The following SLC25A16 variants were observed in gnomAD, a reference collection of about 807,000 sequenced individuals.
The protein encoded by SLC25A16 is mitochondrial coenzyme A transporter SLC25A16.
A neutral mutation model predicts 41.5 loss-of-function variants in SLC25A16; 39 were observed. The observed-to-expected ratio is 0.94, with a 90% CI of 0.73 to 1.23. SLC25A16 has a LOEUF of 1.23. SLC25A16 is among the 50% of genes most tolerant of loss of function. The pLI is 0.00. For missense variants in SLC25A16, 421 were observed against 426.9 expected (o/e 0.99, Z 0.12); for synonymous variants, 146 against 147.8 (o/e 0.99, Z 0.09).
At chr10:68,491,030 C>T (rs996652316) in intron 6 of SLC25A16, among the ~76,000 whole-genome samples, 2 of 152,008 alleles carry the variant, frequency 1.3e-5, no homozygotes, top group Non-Finnish European at 2.9e-5. Context: ...GCTGGGACCA[C>T]CAAGCCTGGC....
At chr10:68,492,302 G>C (rs1357891700) in intron 6 of SLC25A16, among the ~76,000 whole-genome samples, 5 of 151,978 alleles carry the variant, frequency 3.3e-5, no homozygotes, top group Admixed American at 3.3e-4. Flanking sequence ...AACTCCTTCG[G>C]GTCTAGTCAT....
rs1206561726 is a variant in SLC25A16 at position 68,481,340 on chromosome 10, A to T, written c.*2092T>A. ...ACTTATAAATCATACAAAGATACAT[A>T]CTTATTTTTAAAATAAAGGCTTTCA... On this transcript the variant is annotated 3_prime_UTR_variant, in exon 9 of 9. Transcript: ENST00000609923. 2.6e-5 allele frequency: 4 copies of T among 152,158 alleles called. No individual in the cohort carries two copies. Among genetic ancestry groups the T allele is most frequent in the African/African-American group, 9.7e-5 (4 of 41,436 alleles). The allele number at this position is 152,158 out of a possible 1,614,324, so 9.4% of individuals were successfully genotyped here.
chr10:68,489,208 G>A (rs745785570), intron 6 of SLC25A16, among the ~76,000 whole-genome samples: 2 of 152,152 alleles, frequency 1.3e-5, no homozygotes, highest in Non-Finnish European at 2.9e-5. Flanking sequence ...GGCGGAGTTT[G>A]CGGTGAGCTG....
chr10:68,508,650 G>A (rs939169947), intron 2 of SLC25A16, among the ~76,000 whole-genome samples: 38 of 150,968 alleles, frequency 2.5e-4, no homozygotes, highest in African/African-American at 8.5e-4. Context: ...CCCGGGAGGC[G>A]GAGGTTGCAG....
chr10:68,506,461 AC>A (rs11313731), intron 3 of SLC25A16, 123 bp downstream of exon 3: 26,446 of 668,682 alleles, frequency 0.04, 438 homozygotes, highest in Admixed American at 0.075. Context: ...AAAAAAAAAA[AC>A]CAATAATTTA....
Position 68,519,839 on chromosome 10 carries a change from C to T in SLC25A16, c.131-2996G>A, listed in dbSNP as rs529931243. Among the ~76,000 whole-genome samples, 63 of 150,922 alleles carry T rather than the reference C, an allele frequency of 4.2e-4. No homozygotes were observed. The South Asian group carries it at 0.011, about 27-fold the overall frequency. ...CTGGGGCAGGAGAATCGCTTGAACC[C>T]GGGAGGCATAGGTGGCAGTGAGCCG... On this transcript the variant is annotated intron_variant, in intron 1 of 8. Transcript: ENST00000609923.
At chr10:68,489,346 A>G (rs2052618724) in intron 6 of SLC25A16, among the ~76,000 whole-genome samples, 1 of 152,184 alleles carries the variant, frequency 6.6e-6, no homozygotes, top group South Asian at 2.1e-4. Flanking sequence ...GAAGTGAAAA[A>G]GCATTTTTAT....
In SLC25A16 at chr10:68,485,142, T is replaced by C. The variant is rs1313006603; in HGVS notation, c.843-1554A>G. 3.3e-5 allele frequency among the ~76,000 whole-genome samples: 5 copies of C among 152,250 alleles called. No homozygotes were observed. The East Asian group carries it at 5.8e-4, about 18-fold the overall frequency. On this transcript the variant is annotated intron_variant, in intron 8 of 8. Transcript: ENST00000609923. ...ACGCAGCCTCGCTGCCAGGCTGGAGTGCAGTAGCACGATCTCGGCTCACTG... is the reference window on the plus strand; with the variant it reads ...ACGCAGCCTCGCTGCCAGGCTGGAGCGCAGTAGCACGATCTCGGCTCACTG...
chr10:68,495,132 C>T (rs1203957990), intron 4 of SLC25A16, among the ~76,000 whole-genome samples: 3 of 151,744 alleles, frequency 2.0e-5, no homozygotes, highest in African/African-American at 7.3e-5. Flanking sequence ...AAAAATAGGC[C>T]GGATGTGGTG....
At chr10:68,497,436 A>G (rs962356045) in intron 4 of SLC25A16, among the ~76,000 whole-genome samples, 3 of 152,084 alleles carry the variant, frequency 2.0e-5, no homozygotes, top group African/African-American at 4.8e-5. Flanking sequence ...CAACCAAAAT[A>G]CACCTGTCTA....
chr10:68,520,642 T>A (rs2053235158), intron 1 of SLC25A16, among the ~76,000 whole-genome samples: 1 of 151,808 alleles, frequency 6.6e-6, no homozygotes, highest in African/African-American at 2.4e-5. Flanking sequence ...AGAAACACTA[T>A]CTCTACTAAA....
At chr10:68,519,717 C>T (rs572170348) in intron 1 of SLC25A16, among the ~76,000 whole-genome samples, 81 of 151,768 alleles carry the variant, frequency 5.3e-4, no homozygotes, top group African/African-American at 1.8e-3. Flanking sequence ...GAGTTCGAGA[C>T]CAGCCTAGCC....
At chr10:68,503,502 G>GA in intron 4 of SLC25A16, 130 bp downstream of exon 4, 1 of 516,262 alleles carries the variant, frequency 1.9e-6, no homozygotes, top group South Asian at 3.9e-5. Context: ...ATGCACCCAG[G>GA]AAAAAATACA....
rs1045852924 is a variant in SLC25A16, at chr10:68,479,276, C to T, written c.*4156G>A. The stretch of plus-strand genomic sequence containing the variant: ...CCACTCTGACGCCATACCCTGTGCT[C>T]CCTGCCCTTGAAGGAACCAGATATT... On this transcript the variant is annotated 3_prime_UTR_variant, in exon 9 of 9. Transcript: ENST00000609923. 49 of 152,242 alleles carry T rather than the reference C, an allele frequency of 3.2e-4. No homozygotes were observed. The highest frequency in any genetic ancestry group is 1.1e-3 in the African/African-American group (45 of 41,456). The allele number at this position is 152,242 out of a possible 1,614,324, so 9.4% of individuals were successfully genotyped here.
At chr10:68,503,604 G>A (rs1289553005) in intron 4 of SLC25A16, 28 bp downstream of exon 4, 2 of 1,418,314 alleles carry the variant, frequency 1.4e-6, no homozygotes, top group African/African-American at 1.4e-5. Context: ...TAATTTGTCA[G>A]AAATAAAATA....
intron 2 of SLC25A16, among the ~76,000 whole-genome samples, chr10:68,509,768 G>GATATAGAT (rs1564923127): frequency 1.4e-5 from 2 of 147,064 alleles, no homozygotes; most frequent in African/African-American, 5.1e-5. Context: ...TATAGATATA[G>GATATAGAT]ATAGATAGAT....
chr10:68,498,731 G>A (rs1342297693), intron 4 of SLC25A16, among the ~76,000 whole-genome samples: 1 of 152,098 alleles, frequency 6.6e-6, no homozygotes, highest in Non-Finnish European at 1.5e-5. Flanking sequence ...TGGGAAAGGT[G>A]CCTACAAGCC....
At position 68,527,473 on chromosome 10, in the gene SLC25A16, G is replaced by A. The variant is rs2053358545; in HGVS notation, c.-98C>T. On this transcript the variant is annotated 5_prime_UTR_variant, in exon 1 of 9. Transcript: ENST00000609923. ...GCGGTGACAGGAGGCTGACCGCCCC[G>A]CCGGCGGGGCAAAGTAACACCCGGC... 4 of 1,235,134 alleles carry A rather than the reference G, an allele frequency of 3.2e-6. No homozygotes were observed. The highest frequency in any genetic ancestry group is 4.3e-6 in the Non-Finnish European group (4 of 939,244). 76.5% of individuals were successfully genotyped at this position (1,235,134 alleles called of 1,614,324 possible). A position where few individuals can be genotyped will look rare whatever the true frequency, so the allele number is the denominator to read the frequency against.
chr10:68,517,442 C>T (rs77468997), intron 1 of SLC25A16: 3,709 of 158,348 alleles, frequency 0.023, 159 homozygotes, highest in African/African-American at 0.084. Context: ...GCCAGCCCTT[C>T]GAGCTTGGCA....
Sources: gnomAD v4.1 joint callset for allele counts (sites outside exome capture counted in the v4.1 genomes callset) on GRCh38, gnomAD v4.1.1 for gene constraint, MANE v1.5 for transcripts, NCBI Gene and HGNC (gene_info 2026-07-23, HGNC 2026-07-21) for gene names.